The following PECAM1 variants were observed in gnomAD, a reference collection of about 807,000 sequenced individuals.
PECAM1 encodes the protein platelet and endothelial cell adhesion molecule 1, also known as platelet endothelial cell adhesion molecule.
A neutral mutation model predicts 13.8 loss-of-function variants in PECAM1; 8 were observed. That is an observed-to-expected ratio of 0.58 (90% CI 0.34 to 1.05). The LOEUF is 1.05. Ranked by LOEUF, PECAM1 falls within the 50% of genes least tolerant of loss-of-function variation. The pLI is 0.03. For synonymous variants in PECAM1, 136 were observed against 52.6 expected (o/e 2.58, Z -6.86); for missense variants, 304 against 141.2 (o/e 2.15, Z -5.84).
intron 11 of PECAM1, 112 bp from the exon 12 acceptor site, chr17:64,350,545 G>A (rs1000994378): frequency 4.9e-6 from 2 of 405,266 alleles, no homozygotes; most frequent in Non-Finnish European, 9.0e-6. Flanking sequence ...TCAGTGTAGT[G>A]ACAACCAGCA....
chr17:64,383,030 A>G (rs896609241), intron 2 of PECAM1, among the ~76,000 whole-genome samples: 3 of 152,050 alleles, frequency 2.0e-5, no homozygotes, highest in African/African-American at 7.2e-5. Flanking sequence ...ACAAAGATAG[A>G]CTCCATCTCA....
intron 12 of PECAM1, among the ~76,000 whole-genome samples, chr17:64,349,386 G>A (rs1271855235): frequency 6.6e-6 from 1 of 151,846 alleles, no homozygotes; most frequent in African/African-American, 2.4e-5. Context: ...TCAGGAGTTC[G>A]AGATCAGTCT....
At chr17:64,333,849 G>A (rs987692829) in intron 14 of PECAM1, among the ~76,000 whole-genome samples, 11 of 148,672 alleles carry the variant, frequency 7.4e-5, no homozygotes, top group African/African-American at 2.5e-4. Flanking sequence ...AGTCCCAGCT[G>A]AGTCAGAGGG....
chr17:64,371,941 T>G (rs950098598), intron 4 of PECAM1, among the ~76,000 whole-genome samples: 1 of 152,182 alleles, frequency 6.6e-6, no homozygotes, highest in African/African-American at 2.4e-5. Flanking sequence ...TGGAGTTTTG[T>G]GATTCACAAT....
chr17:64,390,237 A>G (rs890411601), intron 2 of PECAM1: 14 of 389,934 alleles, frequency 3.6e-5, no homozygotes, highest in Non-Finnish European at 5.0e-5. Flanking sequence ...CAATTCATCA[A>G]GATAACCCAC....
At chr17:64,387,805 G>A (rs892552197) in intron 2 of PECAM1, among the ~76,000 whole-genome samples, 20 of 152,318 alleles carry the variant, frequency 1.3e-4, no homozygotes, top group Admixed American at 2.6e-4. Context: ...GCAGTGAGGT[G>A]CGGGCTGGAG....
At chr17:64,357,341 C>G (rs2035869065) in intron 7 of PECAM1, among the ~76,000 whole-genome samples, 1 of 151,176 alleles carries the variant, frequency 6.6e-6, no homozygotes, top group Admixed American at 6.7e-5. Flanking sequence ...CTTTCCTGAA[C>G]TCCAAGTCTC....
intron 11 of PECAM1, among the ~76,000 whole-genome samples, chr17:64,350,871 G>GTTTCTTTC (rs1388250361): frequency 1.3e-5 from 2 of 151,444 alleles, no homozygotes; most frequent in South Asian, 2.1e-4. Flanking sequence ...CCTGAATATA[G>GTTTCTTTC]TTTCTTTCTT....
At chr17:64,335,669 C>T (rs2143706693) in intron 14 of PECAM1, among the ~76,000 whole-genome samples, 1 of 152,286 alleles carries the variant, frequency 6.6e-6, no homozygotes, top group South Asian at 2.1e-4. Flanking sequence ...GGGCCCGTTT[C>T]CCCATCTGCA....
chr17:64,329,968 T>C, intron 14 of PECAM1, among the ~76,000 whole-genome samples: 1 of 151,788 alleles, frequency 6.6e-6, no homozygotes, highest in Non-Finnish European at 1.5e-5. Flanking sequence ...TTCTTTATTT[T>C]TTATTTTTTG....
At chr17:64,350,327 T>C (rs2035689047) in intron 12 of PECAM1, 53 bp downstream of exon 12, 4 of 398,320 alleles carry the variant, frequency 1.0e-5, no homozygotes, top group Non-Finnish European at 1.8e-5. Context: ...CCTATGAGTC[T>C]TTTTTTTAAT....
chr17:64,348,409 T>G (rs1490696490), intron 12 of PECAM1, 87 bp from the exon 13 acceptor site: 1 of 235,056 alleles, frequency 4.3e-6, no homozygotes, highest in African/African-American at 2.4e-5. Flanking sequence ...TTTCTTTTCT[T>G]TTTTTTTTTT....
In PECAM1 at chr17:64,384,801, G is replaced by A. The variant is rs118202325; in HGVS notation, c.91+5688C>T. On this transcript the variant is annotated intron_variant, in intron 2 of 15. Coordinates refer to ENST00000563924, the MANE Select transcript of PECAM1 (RefSeq NM_000442.5). ...GGATAATAAATCTGTGTTATCTTAA[G>A]CCAGTAAGTTTTAGGTAAATTGTTA... 3.9e-5 allele frequency among the ~76,000 whole-genome samples: 6 copies of A among 152,218 alleles called. No individual in the cohort carries two copies. In the East Asian group the frequency reaches 1.2e-3, roughly 29 times the overall value.
At chr17:64,332,402 C>T (rs2035149170) in intron 14 of PECAM1, among the ~76,000 whole-genome samples, 1 of 152,176 alleles carries the variant, frequency 6.6e-6, no homozygotes, top group African/African-American at 2.4e-5. Flanking sequence ...TAGGCATTTT[C>T]TAAAGCAATC....
chr17:64,322,759 A>G lies in PECAM1; in HGVS notation c.*1057T>C. The G allele has an allele frequency of 1.1e-6, 1 of 875,804 alleles. No individual in the cohort carries two copies. Among genetic ancestry groups the G allele is most frequent in the East Asian group, 1.2e-4 (1 of 8,266 alleles). 54.3% of individuals were successfully genotyped at this position (875,804 alleles called of 1,614,324 possible). A position where few individuals can be genotyped will look rare whatever the true frequency, so the allele number is the denominator to read the frequency against. ...GAGATGGATTCTCACTCTGTCACTC[A>G]GGCTGGAGTGCAGTGGCGCGATCTC... On this transcript the variant is annotated 3_prime_UTR_variant, in exon 16 of 16. Coordinates refer to ENST00000563924, the MANE Select transcript of PECAM1 (RefSeq NM_000442.5).
chr17:64,387,339 T>G (rs55939060), intron 2 of PECAM1, among the ~76,000 whole-genome samples: 129,747 of 151,322 alleles, frequency 0.86, 59,278 homozygotes, highest in East Asian at 1. Context: ...AGAGGTGAGG[T>G]GGGTAGGCAC....
intron 5 of PECAM1, among the ~76,000 whole-genome samples, chr17:64,365,829 G>A: frequency 6.6e-6 from 1 of 150,834 alleles, no homozygotes; most frequent in Non-Finnish European, 1.5e-5. Context: ...AATTCAAGAT[G>A]GATTAAAGAC....
chr17:64,372,438 G>C, intron 4 of PECAM1, among the ~76,000 whole-genome samples: 1 of 152,194 alleles, frequency 6.6e-6, no homozygotes, highest in Admixed American at 6.5e-5. Flanking sequence ...TTTGTTAAAG[G>C]TACTATGCAA....
intron 10 of PECAM1, 61 bp downstream of exon 10, chr17:64,353,430 C>T: frequency 2.3e-6 from 1 of 443,588 alleles, no homozygotes; most frequent in South Asian, 1.0e-4. Flanking sequence ...ACCAGAATCT[C>T]CCTCCAGACA....
Sources: allele counts gnomAD v4.1 joint callset (sites outside exome capture counted in the v4.1 genomes callset), GRCh38; gene constraint gnomAD v4.1.1; transcripts MANE v1.5; gene names NCBI Gene and HGNC (gene_info 2026-07-23, HGNC 2026-07-21).